The following FRYL variants were observed in gnomAD, a reference collection of about 807,000 sequenced individuals.
FRYL encodes the protein FRY like transcription coactivator, also known as protein furry homolog-like.
A neutral mutation model predicts 351.2 loss-of-function variants in FRYL; 150 were observed. That is an observed-to-expected ratio of 0.43 (90% CI 0.37 to 0.49). The LOEUF (loss-of-function observed/expected upper bound fraction) is 0.49. FRYL is among the 20% of genes least tolerant of loss of function. The pLI, the probability that FRYL is intolerant of heterozygous loss-of-function variation, is 0.00. For missense variants in FRYL, 3,036 were observed against 3,619.3 expected, an observed-to-expected ratio of 0.84 and a Z score of 4.13; for synonymous variants, 1,153 against 1,257.1, an observed-to-expected ratio of 0.92 and a Z score of 1.75.
chr4:48,637,380 AAGT>A (rs1452629766), intron 3 of FRYL: 1 of 152,078 alleles, frequency 6.6e-6, no homozygotes, highest in Non-Finnish European at 1.5e-5. Context: ...TGATCACTCC[AAGT>A]AGAAGAAGAA....
At position 48,681,957 on chromosome 4, in the gene FRYL, A is replaced by C. The variant is rs757866195; in HGVS notation, c.-81+2716T>G. ...ATTCAGAAGTATAACAAGAGAGTAC[A>C]ATAAAGGAATACCTACAAAAGACTT... On this transcript the variant is annotated intron_variant, in intron 3 of 63. Coordinates refer to ENST00000358350, the MANE Select transcript of FRYL (RefSeq NM_015030.2). 3.3e-5 allele frequency among the ~76,000 whole-genome samples: 5 copies of C among 152,302 alleles called. No homozygotes were observed. The South Asian group carries it at 1.0e-3, about 32-fold the overall frequency.
intron 2 of FRYL, among the ~76,000 whole-genome samples, chr4:48,687,492 C>CGGGGGGGGGGGGGAGGGGGG (rs1765256219): frequency 6.4e-5 from 3 of 46,566 alleles, no homozygotes; most frequent in African/African-American, 1.1e-4. Context: ...CAAATGAGGT[C>CGGGGGGGGGGGGGAGGGGGG]GGGGGGGGGG....
intron 2 of FRYL, among the ~76,000 whole-genome samples, chr4:48,699,288 T>C (rs777989039): frequency 1.8e-4 from 28 of 152,120 alleles, no homozygotes; most frequent in Non-Finnish European, 3.8e-4. Flanking sequence ...TAGAGAACTC[T>C]CAAAAAGGAT....
In FRYL at chr4:48,595,812, TATA is replaced by T. The variant is rs555511917; in HGVS notation, c.1139+82_1139+84del. On this transcript the variant is annotated intron_variant, in intron 14 of 63. Coordinates refer to ENST00000358350, the MANE Select transcript of FRYL (RefSeq NM_015030.2). Reference sequence around the variant, plus strand: ...CAGAATTCATATTCCACCCACAAAGTATAATGTTTACTAAAATTCCCAATAGTG... The same window carrying T: ...CAGAATTCATATTCCACCCACAAAGTATGTTTACTAAAATTCCCAATAGTG... 4.2e-5 allele frequency: 47 copies of T among 1,119,152 alleles called. No homozygotes were observed. In the African/African-American group the frequency reaches 6.0e-4, roughly 14 times the overall value. 69.3% of individuals were successfully genotyped at this position (1,119,152 alleles called of 1,614,324 possible). A position where few individuals can be genotyped will look rare whatever the true frequency, so the allele number is the denominator to read the frequency against.
intron 60 of FRYL, among the ~76,000 whole-genome samples, chr4:48,505,105 A>G (rs756437018): frequency 1.2e-4 from 18 of 152,310 alleles, no homozygotes; most frequent in Admixed American, 2.6e-4. Context: ...ACTGAGCCTT[A>G]TATTAAAGAA....
At chr4:48,576,253 A>G in intron 23 of FRYL, 31 bp from the exon 24 acceptor site, 10 of 1,496,476 alleles carry the variant, frequency 6.7e-6, no homozygotes, top group South Asian at 1.2e-5. Context: ...ATAGGCAGAT[A>G]TGAATAACAC....
chr4:48,722,598 T>G (rs116765677), intron 1 of FRYL, among the ~76,000 whole-genome samples: 165 of 152,354 alleles, frequency 1.1e-3, no homozygotes, highest in African/African-American at 3.4e-3. Context: ...ATTGTTTTCA[T>G]AATTTCTTCT....
rs544830895 is a variant in FRYL, at chr4:48,694,773, C to CA, written c.-203-9979dup. ...CTTCATAATTTGTAAATCCCTGGCC[C>CA]AAAAAAACTGCCCCATGGCTGGACA... On this transcript the variant is annotated intron_variant, in intron 2 of 63. Transcript: ENST00000358350. Among the ~76,000 whole-genome samples, 51 of 152,082 alleles carry CA rather than the reference C, an allele frequency of 3.4e-4. No homozygotes were observed. The East Asian group carries it at 9.3e-3, about 28-fold the overall frequency.
chr4:48,623,313 T>C, intron 4 of FRYL, 134 bp from the exon 5 acceptor site: 2 of 550,464 alleles, frequency 3.6e-6, no homozygotes, highest in South Asian at 5.7e-5. Flanking sequence ...TAGATTGTTT[T>C]AAAGAAAGAT....
chr4:48,570,665 T>C (rs1287217904), intron 27 of FRYL, among the ~76,000 whole-genome samples, 162 bp downstream of exon 27: 2 of 152,236 alleles, frequency 1.3e-5, no homozygotes, highest in Non-Finnish European at 2.9e-5. Context: ...TACTGGTCAG[T>C]GTATCGAATG....
rs569486031 is a variant in FRYL, at chr4:48,579,133, T to C, written c.2368A>G (p.Ile790Val). Reference sequence around the variant, plus strand: ...TGGCCTTGGGTCACATGTGCAAATATCCATATATGTGATGGACTAATCACA... The same window carrying C: ...TGGCCTTGGGTCACATGTGCAAATACCCATATATGTGATGGACTAATCACA... ...FDVISPSHIW[I>V]FAHVTQGQDP... Residue 790 changes from isoleucine (I) to valine (V), a missense_variant, in exon 23 of 64, where the codon ATA becomes GTA. This residue lies in a region of FRYL where 492 missense variants were observed against 551.5 expected (regional missense o/e 0.89). Transcript: ENST00000358350. 1.9e-3 allele frequency: 3,135 copies of C among 1,613,988 alleles called. 80 individuals carry two copies. In the South Asian group the frequency reaches 0.033, roughly 17 times the overall value.
chr4:48,512,665 C>A lies in FRYL; in HGVS notation c.7961G>T (p.Gly2654Val), dbSNP rs188348970. ...LSSQDEEEQD[G>V]FPEVQTSPLP... ...AGGCGACGTCTGTACTTCTGGAAAA[C>A]CATCTTGCTCTTCTTCATCTTGACT... Residue 2654 changes from glycine (G) to valine (V), a missense_variant, in exon 57 of 64, where the codon GGT becomes GTT. Physicochemically the swap from Gly to Val is moderately radical, Grantham distance 109. Transcript: ENST00000358350. 8.1e-5 allele frequency: 130 copies of A among 1,613,554 alleles called. No individual in the cohort carries two copies. The African/African-American group carries it at 1.0e-3, about 13-fold the overall frequency.
intron 3 of FRYL, among the ~76,000 whole-genome samples, chr4:48,639,659 G>T (rs776596): frequency 2.0e-4 from 31 of 151,970 alleles, no homozygotes; most frequent in African/African-American, 7.0e-4. Flanking sequence ...CCATGATCCA[G>T]GGAAAAAAAT....
intron 3 of FRYL, among the ~76,000 whole-genome samples, chr4:48,651,213 C>CGTGTGTGTGT (rs10604700): frequency 2.5e-4 from 26 of 104,960 alleles, no homozygotes; most frequent in African/African-American, 7.9e-4. Flanking sequence ...CCACATGCAC[C>CGTGTGTGTGT]GTGTGTGTGT....
At chr4:48,704,151 CCT>C (rs1395961128) in intron 2 of FRYL, among the ~76,000 whole-genome samples, 1 of 151,898 alleles carries the variant, frequency 6.6e-6, no homozygotes, top group East Asian at 1.9e-4. Flanking sequence ...ACAGAGAATA[CCT>C]CTGTTTAACA....
Position 48,580,055 on chromosome 4 carries a change from GGTA to G in FRYL, c.2259+807_2259+809del, listed in dbSNP as rs1410624252. ...AGTTTTTTAAAAAGTTTAGCATCATGGTAGCATCATGGCGGGGGGGAATTGTAC... is the reference window on the plus strand; with the variant it reads ...AGTTTTTTAAAAAGTTTAGCATCATGGCATCATGGCGGGGGGGAATTGTAC... On this transcript the variant is annotated intron_variant, in intron 22 of 63. Coordinates refer to ENST00000358350, the MANE Select transcript of FRYL (RefSeq NM_015030.2). Among the ~76,000 whole-genome samples the G allele has an allele frequency of 7.2e-4, 38 of 52,642 alleles. 1 individual carries two copies. In the East Asian group the frequency reaches 0.021, roughly 29 times the overall value. 34.5% of individuals were successfully genotyped at this position (52,642 alleles called of 152,430 possible).
At chr4:48,534,713 A>C (rs1304289730) in intron 48 of FRYL, 28 bp from the exon 49 acceptor site, 1 of 1,379,530 alleles carries the variant, frequency 7.2e-7, no homozygotes, top group Admixed American at 2.0e-5. Flanking sequence ...AGTAATATTA[A>C]AGTATACTTT....
chr4:48,521,318 T>G, intron 54 of FRYL, 103 bp from the exon 55 acceptor site: 1 of 788,358 alleles, frequency 1.3e-6, no homozygotes, highest in Non-Finnish European at 2.0e-6. Flanking sequence ...ATAAAGAGCT[T>G]CTGAGATTTC....
At chr4:48,516,276 C>G (rs978088899) in intron 55 of FRYL, among the ~76,000 whole-genome samples, 1 of 151,952 alleles carries the variant, frequency 6.6e-6, no homozygotes, top group African/African-American at 2.4e-5. Flanking sequence ...AGTGGTGTGC[C>G]CTTTCTATCC....
Sources: allele counts gnomAD v4.1 joint callset (sites outside exome capture counted in the v4.1 genomes callset), GRCh38; gene constraint gnomAD v4.1.1; regional missense constraint gnomAD v4.1.1; transcripts MANE v1.5; gene names NCBI Gene and HGNC (gene_info 2026-07-23, HGNC 2026-07-21).